MGAT5: variants seen among roughly 807,000 people sequenced by gnomAD.
MGAT5 encodes the protein alpha-1,6-mannosylglycoprotein 6-beta-N-acetylglucosaminyltransferase, also known as alpha-1,6-mannosylglycoprotein 6-beta-N-acetylglucosaminyltransferase A.
MGAT5 carries 30 observed loss-of-function variants against 94.3 expected under a neutral mutation model. That is an observed-to-expected ratio of 0.32 (90% confidence interval 0.24 to 0.43). MGAT5 has a LOEUF of 0.43. Ranked by LOEUF, MGAT5 falls within the 20% of genes least tolerant of loss-of-function variation. MGAT5 has a pLI of 1.00. For missense variants in MGAT5, 691 were observed against 905.5 expected (o/e 0.76, Z 3.04); for synonymous variants, 310 against 322.9 (o/e 0.96, Z 0.43).
chr2:134,231,593 C>G (rs16830239), intron 1 of MGAT5, among the ~76,000 whole-genome samples: 6,299 of 152,228 alleles, frequency 0.041, 285 homozygotes, highest in African/African-American at 0.11. Context: ...GAGATTATGG[C>G]AAAGTGAAAT....
intron 1 of MGAT5, among the ~76,000 whole-genome samples, chr2:134,240,977 C>G (rs1681941754): frequency 6.6e-6 from 1 of 152,246 alleles, no homozygotes; most frequent in Non-Finnish European, 1.5e-5. Context: ...CAACCTTCCT[C>G]CCTTCTGGAT....
intron 9 of MGAT5, among the ~76,000 whole-genome samples, chr2:134,353,296 A>G (rs1272056571): frequency 6.6e-6 from 1 of 152,252 alleles, no homozygotes; most frequent in Non-Finnish European, 1.5e-5. Context: ...TTAACCTCTC[A>G]TACAGAGAAG....
chr2:134,225,752 G>A (rs1385239604), intron 1 of MGAT5, among the ~76,000 whole-genome samples: 1 of 152,154 alleles, frequency 6.6e-6, no homozygotes, highest in Non-Finnish European at 1.5e-5. Flanking sequence ...CTGGTCCAGG[G>A]AGATAAATAT....
chr2:134,253,997 CT>C (rs1682776760), upstream of MGAT5, among the ~76,000 whole-genome samples: 1 of 152,214 alleles, frequency 6.6e-6, no homozygotes, highest in African/African-American at 2.4e-5. Context: ...AACAAACTTC[CT>C]GTTTTGAATT....
chr2:134,189,471 G>C (rs1362312383), intron 1 of MGAT5, among the ~76,000 whole-genome samples: 1 of 152,082 alleles, frequency 6.6e-6, no homozygotes, highest in Admixed American at 6.6e-5. Flanking sequence ...ATGGTGGCCT[G>C]GGAAGGGCTT....
At chr2:134,265,516 A>G (rs1047966783) in intron 1 of MGAT5, among the ~76,000 whole-genome samples, 7 of 152,230 alleles carry the variant, frequency 4.6e-5, no homozygotes, top group African/African-American at 1.7e-4. Flanking sequence ...CATTTATCAA[A>G]GAATGCTGGC....
chr2:134,147,706 C>T (rs1686986558), intron 1 of MGAT5, among the ~76,000 whole-genome samples: 1 of 152,016 alleles, frequency 6.6e-6, no homozygotes, highest in Admixed American at 6.5e-5. Context: ...TGAGGTCTTA[C>T]ACCCGGTAAT....
In MGAT5 at chr2:134,164,628, C is replaced by G. The variant is rs1687881772; in HGVS notation, c.-143+44337C>G. On this transcript the variant is annotated intron_variant, in intron 1 of 16. Coordinates refer to the MGAT5 transcript ENST00000409645. ...GCCTCTCATTTCTGATGCTTTCTGT[C>G]CTATGAGGTCAGTCTACTTACTAGT... 4.6e-5 allele frequency among the ~76,000 whole-genome samples: 7 copies of G among 152,068 alleles called. No individual in the cohort carries two copies. The South Asian group carries it at 1.5e-3, about 32-fold the overall frequency.
intron 1 of MGAT5, among the ~76,000 whole-genome samples, chr2:134,214,442 G>A (rs1187683663): frequency 6.6e-6 from 1 of 152,160 alleles, no homozygotes; most frequent in Admixed American, 6.5e-5. Flanking sequence ...ATACACTAAC[G>A]ATAGTTGATG....
chr2:134,283,234 C>A (rs1573697824), intron 2 of MGAT5, among the ~76,000 whole-genome samples: 2 of 152,132 alleles, frequency 1.3e-5, no homozygotes, highest in Non-Finnish European at 2.9e-5. Context: ...TCAGTTCTCT[C>A]ATCTGTACAG....
At chr2:134,441,615 C>A in intron 14 of MGAT5, 143 bp from the exon 15 acceptor site, 1 of 968,866 alleles carries the variant, frequency 1.0e-6, no homozygotes, top group Non-Finnish European at 1.6e-6. Flanking sequence ...GAGCCCCAAT[C>A]CAGCCCATCC....
chr2:134,366,828 T>A (rs1437234305), intron 10 of MGAT5, among the ~76,000 whole-genome samples: 1 of 152,222 alleles, frequency 6.6e-6, no homozygotes, highest in Non-Finnish European at 1.5e-5. Context: ...AGCTGACCAA[T>A]TCGCAAATAA....
At position 134,168,795 on chromosome 2, in the gene MGAT5, T is replaced by C. The variant is rs117908696; in HGVS notation, c.-143+48504T>C. The stretch of plus-strand genomic sequence containing the variant: ...TTACTTTGATGTTCTCAGCCACCTT[T>C]GTCTTAGATGTGGAAAAAGATAGGG... On this transcript the variant is annotated intron_variant, in intron 1 of 16. Coordinates refer to the MGAT5 transcript ENST00000409645. 3.3e-3 allele frequency among the ~76,000 whole-genome samples: 497 copies of C among 152,370 alleles called. 4 individuals are homozygous for C. The highest frequency in any genetic ancestry group is 0.026 in the Admixed American group (398 of 15,310).
In MGAT5 at chr2:134,346,987, A is replaced by T. The variant is rs148524413; in HGVS notation, c.1112+1923A>T. 3.2e-3 allele frequency among the ~76,000 whole-genome samples: 494 copies of T among 152,314 alleles called. 5 individuals are homozygous for T. The highest frequency in any genetic ancestry group is 0.011 in the African/African-American group (450 of 41,568). On this transcript the variant is annotated intron_variant, in intron 8 of 15. Transcript: ENST00000281923. ...GAGAAGTTTCTAGGAGGTATTTGGC[A>T]TGGCTGCTGCGATCGCTGTTACGGG...
chr2:134,438,684 G>T (rs1015251057), intron 14 of MGAT5, among the ~76,000 whole-genome samples: 3 of 152,250 alleles, frequency 2.0e-5, no homozygotes, highest in South Asian at 2.1e-4. Context: ...CTTAACAGGG[G>T]CCTGGATTGT....
At chr2:134,240,431 C>G (rs1475631100) in intron 1 of MGAT5, among the ~76,000 whole-genome samples, 7 of 151,768 alleles carry the variant, frequency 4.6e-5, no homozygotes, top group Admixed American at 4.6e-4. Context: ...CTCTGATCTC[C>G]CCTTAAGACG....
chr2:134,207,822 C>T (rs1156987927), intron 1 of MGAT5, among the ~76,000 whole-genome samples: 1 of 152,142 alleles, frequency 6.6e-6, no homozygotes, highest in Non-Finnish European at 1.5e-5. Flanking sequence ...GGTCTTTGCC[C>T]AGAGGCTTGG....
chr2:134,330,554 AGTGTGTGT>A (rs34688054), intron 4 of MGAT5, among the ~76,000 whole-genome samples: 1 of 148,494 alleles, frequency 6.7e-6, no homozygotes, highest in East Asian at 2.0e-4. Flanking sequence ...TAAATTGTGT[AGTGTGTGT>A]GTGTGTGTGT....
At chr2:134,352,307 A>G (rs1679435627) in intron 9 of MGAT5, among the ~76,000 whole-genome samples, 1 of 152,204 alleles carries the variant, frequency 6.6e-6, no homozygotes, top group Non-Finnish European at 1.5e-5. Context: ...AACCCAAGTA[A>G]TCATCATAGG....
Sources: allele counts gnomAD v4.1 joint callset (sites outside exome capture counted in the v4.1 genomes callset), GRCh38; gene constraint gnomAD v4.1.1; transcripts MANE v1.5; gene names NCBI Gene and HGNC (gene_info 2026-07-23, HGNC 2026-07-21).